The following MCTP2 variants were observed in gnomAD, a reference collection of about 807,000 sequenced individuals.
MCTP2 encodes multiple C2 and transmembrane domain-containing protein 2.
Under a neutral mutation model 111.6 loss-of-function variants are expected in MCTP2, and 132 were observed. The ratio of observed to expected loss-of-function variants is 1.18; its 90% confidence interval spans 1.03 to 1.37. The LOEUF is 1.37. MCTP2 is among the 40% of genes most tolerant of loss of function. The pLI is 0.00. For missense variants in MCTP2, 1,183 were observed against 1,067.9 expected (o/e 1.11, Z -1.50); for synonymous variants, 395 against 387.7 (o/e 1.02, Z -0.22).
intron 1 of MCTP2, among the ~76,000 whole-genome samples, chr15:94,249,634 C>A (rs975711846): frequency 6.6e-6 from 1 of 152,012 alleles, no homozygotes; most frequent in Non-Finnish European, 1.5e-5. Flanking sequence ...TACAGGCACC[C>A]GCCACCACGC....
intron 12 of MCTP2, among the ~76,000 whole-genome samples, chr15:94,373,015 A>C (rs1273870863): frequency 2.0e-5 from 3 of 152,236 alleles, no homozygotes; most frequent in Non-Finnish European, 4.4e-5. Context: ...CATAGGGATT[A>C]GTCTTGGCAG....
At chr15:94,281,134 T>C (rs368921567) in intron 1 of MCTP2, among the ~76,000 whole-genome samples, 18 of 152,300 alleles carry the variant, frequency 1.2e-4, no homozygotes, top group Middle Eastern at 3.4e-3. Flanking sequence ...TAGTTTGGAA[T>C]ACTAACAAAG....
At chr15:94,281,771 G>C (rs575122149) in intron 1 of MCTP2, among the ~76,000 whole-genome samples, 1 of 152,210 alleles carries the variant, frequency 6.6e-6, no homozygotes, top group Admixed American at 6.5e-5. Context: ...TATTCCCCTA[G>C]CATTTCTTGT....
chr15:94,242,778 G>A (rs1193365288), intron 1 of MCTP2, among the ~76,000 whole-genome samples: 3 of 151,118 alleles, frequency 2.0e-5, no homozygotes, highest in Non-Finnish European at 4.4e-5. Flanking sequence ...AGCGAGTATT[G>A]CACATGCACA....
chr15:94,453,303 C>T (rs956552388), intron 19 of MCTP2, among the ~76,000 whole-genome samples: 5 of 152,210 alleles, frequency 3.3e-5, no homozygotes, highest in African/African-American at 2.4e-5. Flanking sequence ...TCCTGACTCT[C>T]TTCAGGGCCT....
intron 4 of MCTP2, among the ~76,000 whole-genome samples, chr15:94,331,106 T>A (rs2077113543): frequency 6.6e-6 from 1 of 152,212 alleles, no homozygotes; most frequent in Admixed American, 6.5e-5. Flanking sequence ...AAATGACCAA[T>A]TCACTGAAAT....
chr15:94,249,336 G>T (rs1241524202), intron 1 of MCTP2, among the ~76,000 whole-genome samples: 4 of 152,120 alleles, frequency 2.6e-5, no homozygotes, highest in Non-Finnish European at 5.9e-5. Flanking sequence ...GAAAGTTGTA[G>T]GATATTTCTG....
chr15:94,390,739 T>TTTTTTG (rs2080913882), intron 14 of MCTP2, among the ~76,000 whole-genome samples: 1 of 146,346 alleles, frequency 6.8e-6, no homozygotes, highest in African/African-American at 2.6e-5. Context: ...TTTTTTTTTT[T>TTTTTTG]TTTTTTTTGG....
chr15:94,239,633 T>C (rs2070796110), intron 1 of MCTP2, among the ~76,000 whole-genome samples: 1 of 152,248 alleles, frequency 6.6e-6, no homozygotes, highest in Non-Finnish European at 1.5e-5. Context: ...TGGCGGAAGT[T>C]GCCTTCAGCA....
chr15:94,413,122 G>A (rs1228838882), intron 17 of MCTP2, among the ~76,000 whole-genome samples: 1 of 152,182 alleles, frequency 6.6e-6, no homozygotes, highest in Non-Finnish European at 1.5e-5. Context: ...GCAATCGCTT[G>A]AGTTTACTTA....
intron 4 of MCTP2, among the ~76,000 whole-genome samples, chr15:94,328,689 G>C (rs16948939): frequency 0.099 from 14,995 of 152,112 alleles, 882 homozygotes; most frequent in African/African-American, 0.1. Flanking sequence ...TGTTATTCTT[G>C]AGACTCTCTC....
chr15:94,271,661 AAGAT>A (rs369919520), intron 1 of MCTP2, among the ~76,000 whole-genome samples: 3 of 152,308 alleles, frequency 2.0e-5, no homozygotes, highest in African/African-American at 7.2e-5. Context: ...ACTTATTTGA[AAGAT>A]AGGTATTTGA....
intron 1 of MCTP2, among the ~76,000 whole-genome samples, chr15:94,294,304 A>G (rs58387199): frequency 0.016 from 2,439 of 152,354 alleles, 66 homozygotes; most frequent in African/African-American, 0.055. Context: ...ATGTGTTAAC[A>G]TTATAGAACT....
chr15:94,357,916 A>G (rs1227642595), intron 9 of MCTP2, among the ~76,000 whole-genome samples: 1 of 152,186 alleles, frequency 6.6e-6, no homozygotes, highest in African/African-American at 2.4e-5. Flanking sequence ...GTTAATTTTT[A>G]GGTTTGGCTG....
At chr15:94,284,749 G>A (rs1174386388) in intron 1 of MCTP2, among the ~76,000 whole-genome samples, 1 of 152,210 alleles carries the variant, frequency 6.6e-6, no homozygotes, top group African/African-American at 2.4e-5. Context: ...GTGCATATGA[G>A]AATGCATAGC....
intron 1 of MCTP2, among the ~76,000 whole-genome samples, chr15:94,234,601 A>G (rs2070411439): frequency 6.6e-6 from 1 of 152,088 alleles, no homozygotes; most frequent in South Asian, 2.1e-4. Context: ...AGACTGCTGG[A>G]TGGGACAGCA....
At chr15:94,357,397 AG>A (rs2078684125) in intron 9 of MCTP2, among the ~76,000 whole-genome samples, 1 of 152,196 alleles carries the variant, frequency 6.6e-6, no homozygotes, top group African/African-American at 2.4e-5. Context: ...TTAGCTTGCC[AG>A]GGTCAGGCTA....
chr15:94,351,857 C>G (rs2078321852), intron 8 of MCTP2, among the ~76,000 whole-genome samples: 1 of 152,232 alleles, frequency 6.6e-6, no homozygotes, highest in Non-Finnish European at 1.5e-5. Flanking sequence ...GTGGCTCCAG[C>G]TCCTGACTTC....
intron 4 of MCTP2, among the ~76,000 whole-genome samples, chr15:94,328,433 A>C (rs547894238): frequency 3.2e-4 from 48 of 152,194 alleles, no homozygotes; most frequent in African/African-American, 1.2e-3. Context: ...CGGCCTATCA[A>C]GTGTTTATTT....
Sources: allele counts gnomAD v4.1 joint callset (sites outside exome capture counted in the v4.1 genomes callset), GRCh38; gene constraint gnomAD v4.1.1; transcripts MANE v1.5; gene names NCBI Gene and HGNC (gene_info 2026-07-23, HGNC 2026-07-21).